Variants in ATP5ME observed in about 807,000 individuals in gnomAD.
ATP5ME encodes ATP synthase membrane subunit e.
In ATP5ME, 10 loss-of-function variants were observed where a neutral mutation model predicts 11.6. The observed-to-expected ratio is 0.86, with a 90% confidence interval of 0.53 to 1.46. The LOEUF is 1.46. ATP5ME is among the 40% of genes most tolerant of loss of function. The pLI, the probability that ATP5ME is intolerant of heterozygous loss-of-function variation, is 0.00. For synonymous variants in ATP5ME, 45 were observed against 33.5 expected (o/e 1.34, Z -1.19); for missense variants, 115 against 85.4 (o/e 1.35, Z -1.37).
chr4:673,583 G>A (rs958953842), intron 2 of ATP5ME, 182 bp from the exon 3 acceptor site: 8 of 1,100,032 alleles, frequency 7.3e-6, no homozygotes, highest in African/African-American at 3.2e-5. Flanking sequence ...AGAGGCTACA[G>A]GGCCCCTGCT....
chr4:673,823 C>A lies in ATP5ME; in HGVS notation c.91+89G>T, dbSNP rs1376247265. The A allele has an allele frequency of 4.0e-6, 6 of 1,494,040 alleles. No individual in the cohort carries two copies. The East Asian group carries it at 1.5e-4, about 37-fold the overall frequency. 92.5% of individuals were successfully genotyped at this position (1,494,040 alleles called of 1,614,324 possible). A position where few individuals can be genotyped will look rare whatever the true frequency, so the allele number is the denominator to read the frequency against. On this transcript the variant is annotated intron_variant, in intron 2 of 3. Transcript: ENST00000304312. ...GCAGCCTCGCATGCGTCCCAAGCCCCCTTCCAGAGCTGGAGTTCTCCAAAT... is the reference window on the plus strand; with the variant it reads ...GCAGCCTCGCATGCGTCCCAAGCCCACTTCCAGAGCTGGAGTTCTCCAAAT...
chr4:673,586 C>A, intron 2 of ATP5ME, 185 bp from the exon 3 acceptor site: 1 of 1,022,672 alleles, frequency 9.8e-7, no homozygotes, highest in Admixed American at 2.5e-5. Context: ...GGCTACAGGG[C>A]CCCTGCTGCC....
In ATP5ME at chr4:674,237, G is replaced by C. The variant is rs954129110; in HGVS notation, c.11C>G (p.Pro4Arg). ...CTTGATGAGCGGAGAGACCTGCACC[G>C]GTGGCACCATCTTGTCCCTGACCTC... Reference protein sequence around the residue: MVPPVQVSPLIKLG... With the variant: MVPRVQVSPLIKLG... The change falls in exon 1 of 4, where the codon CCG (proline) becomes CGG (arginine). Residue 4 changes from proline to arginine, a missense_variant. Physicochemically the swap from Pro to Arg is moderately radical, Grantham distance 103 (BLOSUM62 -2). Transcript: ENST00000304312. The C allele has an allele frequency of 1.2e-5, 19 of 1,611,840 alleles. No individual in the cohort carries two copies. The highest frequency in any genetic ancestry group is 1.5e-5 in the Non-Finnish European group (18 of 1,179,292).
chr4:673,521 C>T (rs764873395), intron 2 of ATP5ME, 120 bp from the exon 3 acceptor site: 27 of 1,528,316 alleles, frequency 1.8e-5, no homozygotes, highest in Non-Finnish European at 2.3e-5. Context: ...TGTTCCCGCT[C>T]TTTATGTTAA....
intron 2 of ATP5ME, 113 bp downstream of exon 2, chr4:673,799 C>T (rs752891929): frequency 2.4e-5 from 33 of 1,378,346 alleles, no homozygotes; most frequent in Non-Finnish European, 3.3e-5. Flanking sequence ...CACGGTCCTG[C>T]AGCCTCGCAT....
chr4:673,284 G>C lies in ATP5ME; in HGVS notation c.190+19C>G. The C allele has an allele frequency of 1.9e-5, 30 of 1,614,156 alleles. No homozygotes were observed. The highest frequency in any genetic ancestry group is 2.4e-5 in the Non-Finnish European group (28 of 1,180,006). On this transcript the variant is annotated intron_variant, in intron 3 of 3. Coordinates refer to ENST00000304312, the MANE Select transcript of ATP5ME (RefSeq NM_007100.4). ...CAAACCTGGGAGGGACAATCTATAA[G>C]AGCCAGTGTCACTCGTACCTTCTGC...
intron 2 of ATP5ME, 82 bp from the exon 3 acceptor site, chr4:673,483 AG>A (rs1273434498): frequency 3.7e-6 from 6 of 1,604,136 alleles, no homozygotes; most frequent in Non-Finnish European, 4.2e-6. Flanking sequence ...AGGTATCTTC[AG>A]CGACGCTGTA....
At chr4:673,190 C>T (rs1738604837) in intron 3 of ATP5ME, 113 bp downstream of exon 3, 3 of 1,530,838 alleles carry the variant, frequency 2.0e-6, no homozygotes, top group South Asian at 2.4e-5. Flanking sequence ...GCCAGCTTCC[C>T]CATTTTTAAA....
At chr4:673,141 C>T (rs966229740) in intron 3 of ATP5ME, among the ~76,000 whole-genome samples, 162 bp downstream of exon 3, 1 of 152,248 alleles carries the variant, frequency 6.6e-6, no homozygotes, top group Non-Finnish European at 1.5e-5. Context: ...GCCTTGGCCT[C>T]CCAAAGTGCT....
intron 2 of ATP5ME, 181 bp downstream of exon 2, chr4:673,731 C>G: frequency 1.0e-6 from 1 of 1,003,464 alleles, no homozygotes; most frequent in Non-Finnish European, 1.5e-6. Flanking sequence ...GCCCGGGCCT[C>G]AGAAGCCTGA....
At chr4:672,593 GTTATTTTTTT>G in intron 3 of ATP5ME, 74 bp from the exon 4 acceptor site, 1 of 1,101,054 alleles carries the variant, frequency 9.1e-7, no homozygotes, top group Non-Finnish European at 1.3e-6. Flanking sequence ...CAGCTTCCCA[GTTATTTTTTT>G]TTTTTTTTTT....
At chr4:673,853 C>G (rs1738646034) in intron 2 of ATP5ME, 59 bp downstream of exon 2, 2 of 1,537,264 alleles carry the variant, frequency 1.3e-6, no homozygotes, top group South Asian at 1.2e-5. Context: ...CCAAATAGCA[C>G]AGGAGCTCCA....
rs1208604236 is a variant in ATP5ME, at chr4:673,512, G to C, written c.92-111C>G. 5.8e-6 allele frequency: 9 copies of C among 1,553,646 alleles called. No individual in the cohort carries two copies. In the East Asian group the frequency reaches 2.1e-4, roughly 35 times the overall value. On this transcript the variant is annotated intron_variant, in intron 2 of 3. Transcript: ENST00000304312. ...ACGCTGTAAACCAGACGCACCTGCT[G>C]TTCCCGCTCTTTATGTTAATGCGAG...
chr4:673,987 A>C, intron 1 of ATP5ME, 21 bp from the exon 2 acceptor site: 1 of 1,541,654 alleles, frequency 6.5e-7, no homozygotes. Flanking sequence ...GGTTGGTCAG[A>C]GGCGGCGCGA....
intron 2 of ATP5ME, 91 bp downstream of exon 2, chr4:673,821 C>A: frequency 1.3e-6 from 2 of 1,486,184 alleles, no homozygotes; most frequent in South Asian, 1.2e-5. Flanking sequence ...CGTCCCAAGC[C>A]CCCTTCCAGA....
At chr4:674,001 G>C in intron 1 of ATP5ME, 35 bp from the exon 2 acceptor site, 1 of 1,540,308 alleles carries the variant, frequency 6.5e-7, no homozygotes. Context: ...GGCGCGAAAC[G>C]GGGCTCGCGG....
chr4:674,045 G>A (rs1221481759), intron 1 of ATP5ME, 79 bp from the exon 2 acceptor site: 1 of 1,506,582 alleles, frequency 6.6e-7, no homozygotes, highest in East Asian at 2.5e-5. Context: ...GGGCGGGGTC[G>A]CTGGGCAGAG....
chr4:673,894 C>T lies in ATP5ME; in HGVS notation c.91+18G>A. On this transcript the variant is annotated intron_variant, in intron 2 of 3. Coordinates refer to ENST00000304312, the MANE Select transcript of ATP5ME (RefSeq NM_007100.4). Reference sequence around the variant, plus strand: ...AAGCCGAGCAGACCCCGCCCCGGCCCCGCCCGCGGTCACTCACTGTAGCGC... The same window carrying T: ...AAGCCGAGCAGACCCCGCCCCGGCCTCGCCCGCGGTCACTCACTGTAGCGC... 1 of 1,545,788 alleles carries T rather than the reference C, an allele frequency of 6.5e-7. No individual in the cohort carries two copies. The highest frequency in any genetic ancestry group is 8.7e-7 in the Non-Finnish European group (1 of 1,146,850).
rs1438142978 is a variant in ATP5ME, at chr4:673,378, C to T, written c.115G>A (p.Glu39Lys). The change falls in exon 3 of 4, where the codon GAG (glutamate) becomes AAG (lysine). Residue 39 changes from glutamate (E) to lysine (K), a missense_variant. Glu to Lys is a moderately conservative substitution (Grantham distance 56). Coordinates refer to ENST00000304312, the MANE Select transcript of ATP5ME (RefSeq NM_007100.4). ...RYNYLKPRAEEERRIAAEEKK... is the reference protein window; with the variant it reads ...RYNYLKPRAEKERRIAAEEKK... ...TCTTCTGCTGCTATCCTCCTCTCCT[C>T]TTCTGCCCGAGGTTTTAGGTAATCT... The T allele has an allele frequency of 1.2e-6, 2 of 1,614,214 alleles. No individual in the cohort carries two copies.
Sources: allele counts gnomAD v4.1 joint callset (sites outside exome capture counted in the v4.1 genomes callset), GRCh38; gene constraint gnomAD v4.1.1; transcripts MANE v1.5; gene names NCBI Gene and HGNC (gene_info 2026-07-23, HGNC 2026-07-21).